Variants in SLC6A2 observed in about 807,000 individuals in gnomAD.
SLC6A2 encodes solute carrier family 6 member 2, also known as sodium-dependent noradrenaline transporter.
SLC6A2 carries 26 observed loss-of-function variants against 71.7 expected under a neutral mutation model. The observed-to-expected ratio is 0.36, with a 90% CI of 0.27 to 0.50. SLC6A2 has a LOEUF of 0.50. Among genes scored for constraint, SLC6A2 ranks in the 20% least tolerant of loss-of-function variants. The probability of loss-of-function intolerance (pLI) is 0.96; values close to 1 mark genes in which losing one functional copy is unlikely to be tolerated. For missense variants in SLC6A2, 581 were observed against 803.9 expected (o/e 0.72, Z 3.35); for synonymous variants, 363 against 337.9 (o/e 1.07, Z -0.82).
intron 4 of SLC6A2, among the ~76,000 whole-genome samples, chr16:55,673,613 G>A (rs55814537): frequency 1.3e-5 from 2 of 152,086 alleles, no homozygotes; most frequent in African/African-American, 2.4e-5. Flanking sequence ...CCACGCTGGA[G>A]TGCAGTGGCA....
intron 5 of SLC6A2, among the ~76,000 whole-genome samples, chr16:55,687,414 T>C (rs1965487152): frequency 6.6e-6 from 1 of 152,202 alleles, no homozygotes; most frequent in Non-Finnish European, 1.5e-5. Flanking sequence ...TGAAAGTGTC[T>C]CCAAAGACCA....
At chr16:55,682,354 C>T (rs763705919) in intron 4 of SLC6A2, among the ~76,000 whole-genome samples, 6 of 152,164 alleles carry the variant, frequency 3.9e-5, no homozygotes, top group Non-Finnish European at 7.3e-5. Flanking sequence ...AGAAATTTGC[C>T]ACAAGTGATG....
In SLC6A2 at chr16:55,672,201, G is replaced by A. The variant is rs767265625; in HGVS notation, c.644+26G>A. 1.9e-6 allele frequency: 3 copies of A among 1,614,060 alleles called. No homozygotes were observed. In the African/African-American group the frequency reaches 4.0e-5, roughly 22 times the overall value. ...GTAAGTCACAGACCCCTTGTGCTGG[G>A]CCTGTTGAGGCCAGTGCTTGGTATG... On this transcript the variant is annotated intron_variant, in intron 4 of 14. Coordinates refer to ENST00000568943, the MANE Select transcript of SLC6A2 (RefSeq NM_001172501.3).
At chr16:55,659,202 AC>A (rs1217489121) in intron 2 of SLC6A2, among the ~76,000 whole-genome samples, 2 of 151,974 alleles carry the variant, frequency 1.3e-5, no homozygotes, top group Admixed American at 1.3e-4. Context: ...AGCTTTAATC[AC>A]CCGAGTCTTT....
intron 4 of SLC6A2, among the ~76,000 whole-genome samples, chr16:55,680,087 G>A (rs1403669653): frequency 6.6e-6 from 1 of 152,190 alleles, no homozygotes; most frequent in African/African-American, 2.4e-5. Context: ...GGGCAAAGTT[G>A]CCTCCAGTGA....
rs1267630805 is a variant in SLC6A2, at chr16:55,702,843, C to G, written c.*497C>G. 1.0e-6 allele frequency: 1 copy of G among 1,000,324 alleles called. No individual in the cohort carries two copies. Among genetic ancestry groups the G allele is most frequent in the Admixed American group, 5.4e-5 (1 of 18,610 alleles). The allele number at this position is 1,000,324 out of a possible 1,614,324, so 62.0% of individuals were successfully genotyped here. On this transcript the variant is annotated 3_prime_UTR_variant, in exon 15 of 15. Transcript: ENST00000568943. ...GAAGGTACATAGACCCTCCTCTTGCCCACCCTAGACAGCCCTCTCATGTCT... is the reference window on the plus strand; with the variant it reads ...GAAGGTACATAGACCCTCCTCTTGCGCACCCTAGACAGCCCTCTCATGTCT...
intron 2 of SLC6A2, among the ~76,000 whole-genome samples, chr16:55,660,151 T>C (rs2142484488): frequency 6.6e-6 from 1 of 151,950 alleles, no homozygotes; most frequent in East Asian, 1.9e-4. Context: ...AGACAAGCGG[T>C]GAGAAGGGAG....
intron 2 of SLC6A2, among the ~76,000 whole-genome samples, chr16:55,662,999 C>G (rs1964650976): frequency 6.6e-6 from 1 of 152,184 alleles, no homozygotes; most frequent in African/African-American, 2.4e-5. Flanking sequence ...CATCAGATCC[C>G]ACAGGTTGAG....
chr16:55,691,421 G>T (rs569038605), intron 5 of SLC6A2, among the ~76,000 whole-genome samples: 1 of 152,158 alleles, frequency 6.6e-6, no homozygotes, highest in Non-Finnish European at 1.5e-5. Context: ...CATGAACCAC[G>T]CCTTGATCTA....
chr16:55,693,259 C>T (rs1381487885), intron 6 of SLC6A2, among the ~76,000 whole-genome samples: 1 of 152,124 alleles, frequency 6.6e-6, no homozygotes, highest in African/African-American at 2.4e-5. Flanking sequence ...CGGTGGCACG[C>T]ACTTGTAATC....
intron 7 of SLC6A2, among the ~76,000 whole-genome samples, chr16:55,694,549 G>A (rs1306744928): frequency 1.3e-5 from 2 of 152,214 alleles, no homozygotes; most frequent in Non-Finnish European, 2.9e-5. Context: ...AGCAGTCAAT[G>A]CTACCTCCTG....
At chr16:55,670,892 T>C (rs1192888473) in intron 3 of SLC6A2, among the ~76,000 whole-genome samples, 1 of 152,196 alleles carries the variant, frequency 6.6e-6, no homozygotes. Flanking sequence ...CCTCACAGGC[T>C]AATCATAGCT....
At position 55,672,000 on chromosome 16, in the gene SLC6A2, G is replaced by A. The variant is rs774839085; in HGVS notation, c.469G>A (p.Ala157Thr). The change falls in exon 4 of 15, where the codon GCC becomes ACC. Residue 157 changes from alanine (A) to threonine (T), a missense_variant. Physicochemically the swap from Ala to Thr is moderately conservative, Grantham distance 58. Around this residue, in one of 5 missense-constraint regions of SLC6A2, gnomAD observed 81 missense variants for 152.4 expected, o/e 0.53. Coordinates refer to ENST00000568943, the MANE Select transcript of SLC6A2 (RefSeq NM_001172501.3). ...TGGCTTCTACTACAACGTCATCATC[G>A]CCTGGTCACTCTACTACCTCTTCTC... ...YVGFYYNVII[A>T]WSLYYLFSSF... 6.2e-7 allele frequency: 1 copy of A among 1,614,004 alleles called. No homozygotes were observed. The highest frequency in any genetic ancestry group is 1.7e-5 in the Admixed American group (1 of 59,986).
intron 11 of SLC6A2, 33 bp from the exon 12 acceptor site, chr16:55,699,521 C>T: frequency 2.6e-6 from 4 of 1,553,508 alleles, no homozygotes; most frequent in Non-Finnish European, 3.6e-6. Context: ...ATCATGGGGG[C>T]CATGGTAACA....
intron 2 of SLC6A2, among the ~76,000 whole-genome samples, chr16:55,666,789 GA>G (rs1457650306): frequency 2.0e-5 from 3 of 152,182 alleles, no homozygotes; most frequent in African/African-American, 7.2e-5. Flanking sequence ...TGGCCAAAGT[GA>G]GATGCCTGGT....
intron 4 of SLC6A2, among the ~76,000 whole-genome samples, chr16:55,674,411 C>T (rs1308802416): frequency 6.6e-6 from 1 of 151,774 alleles, no homozygotes; most frequent in African/African-American, 2.4e-5. Context: ...ATATATGTAC[C>T]ACATTTTCTT....
At chr16:55,658,564 A>G (rs1251203662) in intron 2 of SLC6A2, among the ~76,000 whole-genome samples, 1 of 152,002 alleles carries the variant, frequency 6.6e-6, no homozygotes, top group African/African-American at 2.4e-5. Context: ...GGTGGCTCTG[A>G]GCAGAGGATC....
At chr16:55,699,107 A>G in intron 11 of SLC6A2, among the ~76,000 whole-genome samples, 1 of 152,222 alleles carries the variant, frequency 6.6e-6, no homozygotes, top group East Asian at 1.9e-4. Context: ...TGTCACACCA[A>G]CATGTTAGTC....
intron 2 of SLC6A2, among the ~76,000 whole-genome samples, chr16:55,666,647 A>G (rs1355281967): frequency 1.3e-5 from 2 of 152,230 alleles, no homozygotes; most frequent in African/African-American, 4.8e-5. Flanking sequence ...CCGCAGGCAC[A>G]TGCAGACCCA....
Sources: allele counts gnomAD v4.1 joint callset (sites outside exome capture counted in the v4.1 genomes callset), GRCh38; gene constraint gnomAD v4.1.1; regional missense constraint gnomAD v4.1.1; transcripts MANE v1.5; gene names NCBI Gene and HGNC (gene_info 2026-07-23, HGNC 2026-07-21).